The following ACSL1 variants were observed in gnomAD, a reference collection of about 807,000 sequenced individuals.
ACSL1 encodes acyl-CoA synthetase long chain family member 1.
In ACSL1, 41 loss-of-function variants were observed where a neutral mutation model predicts 98.4. The ratio of observed to expected loss-of-function variants is 0.42; its 90% CI spans 0.32 to 0.54. The LOEUF (loss-of-function observed/expected upper bound fraction) is 0.54. Among genes scored for constraint, ACSL1 ranks in the 20% least tolerant of loss-of-function variants. The pLI, the probability that ACSL1 is intolerant of heterozygous loss-of-function variation, is 0.13. For missense variants in ACSL1, 734 were observed against 883.1 expected (o/e 0.83, Z 2.14); for synonymous variants, 316 against 322.7 (o/e 0.98, Z 0.22).
chr4:184,813,429 C>T (rs931720092), intron 1 of ACSL1, among the ~76,000 whole-genome samples: 43 of 152,130 alleles, frequency 2.8e-4, no homozygotes, highest in Admixed American at 2.1e-3. Context: ...CAAAAAGATC[C>T]GCTTTTTAGG....
intron 11 of ACSL1, among the ~76,000 whole-genome samples, chr4:184,769,556 T>C (rs962061089): frequency 9.9e-5 from 15 of 152,208 alleles, no homozygotes; most frequent in African/African-American, 3.4e-4. Context: ...TCATGTGAGA[T>C]TGCTTTATAA....
chr4:184,826,062 G>C (rs552773541), upstream of ACSL1: 2,800 of 141,680 alleles, frequency 0.02, 35 homozygotes, highest in Non-Finnish European at 0.029. Context: ...GGCTGAGCCA[G>C]GATGCTGCTG....
intron 6 of ACSL1, 79 bp from the exon 7 acceptor site, chr4:184,776,741 C>T: frequency 6.6e-7 from 1 of 1,512,250 alleles, no homozygotes; most frequent in Non-Finnish European, 9.0e-7. Context: ...CACAAGGATA[C>T]TTGAAGTACT....
chr4:184,803,459 C>T lies in ACSL1; in HGVS notation c.56G>A (p.Arg19Gln), dbSNP rs761830717. 9 of 1,611,894 alleles carry T rather than the reference C, an allele frequency of 5.6e-6. No individual in the cohort carries two copies. The highest frequency in any genetic ancestry group is 3.4e-5 in the Admixed American group (2 of 59,606). Residue 19 changes from arginine (R) to glutamine (Q), a missense_variant, in exon 2 of 21, where the codon CGA becomes CAA. Coordinates refer to ENST00000281455, the MANE Select transcript of ACSL1 (RefSeq NM_001995.5). This position sits in a 1 kb window ranked among gnomAD's most constrained non-coding sequence, Gnocchi z 4.8. Reference protein sequence around the residue: ...YFRMPELVDFRQYVRTLPTNT... With the variant: ...YFRMPELVDFQQYVRTLPTNT... ...GGTCGGAAGAGTACGCACGTACTGT[C>T]GGAAGTCAACCAGCTCTGGCATTCG...
chr4:184,826,433 G>A (rs1773494564), upstream of ACSL1: 1 of 152,504 alleles, frequency 6.6e-6, no homozygotes, highest in Admixed American at 6.5e-5. Flanking sequence ...TGCTGCGAGG[G>A]CCCTGGAGGC....
chr4:184,807,656 C>T (rs530990625), intron 1 of ACSL1, among the ~76,000 whole-genome samples: 1 of 152,310 alleles, frequency 6.6e-6, no homozygotes, highest in East Asian at 1.9e-4. Flanking sequence ...TGTCAGAAAC[C>T]AAAATCCTGG....
At chr4:184,800,390 C>T (rs947123849) in intron 2 of ACSL1, among the ~76,000 whole-genome samples, 31 of 152,252 alleles carry the variant, frequency 2.0e-4, no homozygotes, top group Admixed American at 5.2e-4. Flanking sequence ...GTCTGGGCTC[C>T]GACCAATCCG....
In ACSL1 at chr4:184,763,240, G is replaced by A. The variant is rs1275283484; in HGVS notation, c.1448C>T (p.Pro483Leu). 7.4e-6 allele frequency: 12 copies of A among 1,613,920 alleles called. No individual in the cohort carries two copies. Among genetic ancestry groups the A allele is most frequent in the South Asian group, 1.1e-5 (1 of 91,040 alleles). Reference protein sequence around the residue: ...GDWTAGHVGAPMPCNLIKLVD... With the variant: ...GDWTAGHVGALMPCNLIKLVD... Reference sequence around the variant, plus strand: ...AAGTTTTATCAAATTGCACGGCATCGGGGCCCCAACATGGCCTGTATATTA... The same window carrying A: ...AAGTTTTATCAAATTGCACGGCATCAGGGCCCCAACATGGCCTGTATATTA... The change falls in exon 16 of 21, where the codon CCG becomes CTG. Residue 483 changes from proline (P) to leucine (L), a missense_variant. Physicochemically the swap from Pro to Leu is moderately conservative, Grantham distance 98 (BLOSUM62 -3). Coordinates refer to ENST00000281455, the MANE Select transcript of ACSL1 (RefSeq NM_001995.5).
chr4:184,803,650 C>G lies in ACSL1; in HGVS notation c.-32-104G>C. The G allele has an allele frequency of 1.5e-6, 1 of 663,304 alleles. No homozygotes were observed. The highest frequency in any genetic ancestry group is 2.2e-6 in the Non-Finnish European group (1 of 448,746). 41.1% of individuals were successfully genotyped at this position (663,304 alleles called of 1,614,324 possible). ...CCATCTAATTGGGTAGCTGCTCGGC[C>G]AGTCCAGGCATTAAACCCACAATCT... On this transcript the variant is annotated intron_variant, in intron 1 of 20. Coordinates refer to ENST00000281455, the MANE Select transcript of ACSL1 (RefSeq NM_001995.5). This position sits in a 1 kb window ranked among gnomAD's most constrained non-coding sequence, Gnocchi z 4.8.
At chr4:184,811,392 G>A (rs911442795) in intron 1 of ACSL1, among the ~76,000 whole-genome samples, 12 of 152,208 alleles carry the variant, frequency 7.9e-5, no homozygotes, top group Non-Finnish European at 1.5e-4. Context: ...GATTACAGGT[G>A]TGAGCCACCG....
rs1026274501 is a variant in ACSL1 at position 184,812,499 on chromosome 4, TCTC to T, written c.-32-8956_-32-8954del. On this transcript the variant is annotated intron_variant, in intron 1 of 20. Coordinates refer to ENST00000281455, the MANE Select transcript of ACSL1 (RefSeq NM_001995.5). ...GCACACCAGAAAGGAGTAGAGAACATCTCCTGGCTGACTGGGGGAAAAAGAAAA... is the reference window on the plus strand; with the variant it reads ...GCACACCAGAAAGGAGTAGAGAACATCTGGCTGACTGGGGGAAAAAGAAAA... Among the ~76,000 whole-genome samples the T allele has an allele frequency of 5.3e-5, 8 of 152,076 alleles. 1 individual carries two copies. The highest frequency in any genetic ancestry group is 4.6e-4 in the Admixed American group (7 of 15,224).
chr4:184,821,084 G>A (rs979215435), intron 1 of ACSL1: 1 of 456,136 alleles, frequency 2.2e-6, no homozygotes, highest in Non-Finnish European at 4.4e-6. Context: ...GTTGCTGAAG[G>A]TACTAATGAG....
chr4:184,787,270 C>T (rs1767547056), intron 3 of ACSL1, among the ~76,000 whole-genome samples: 1 of 152,208 alleles, frequency 6.6e-6, no homozygotes, highest in South Asian at 2.1e-4. Context: ...GGGGCGCTCA[C>T]TGTGTGCCAG....
chr4:184,763,373 T>C (rs1763131162), intron 15 of ACSL1, 118 bp from the exon 16 acceptor site: 1 of 870,710 alleles, frequency 1.1e-6, no homozygotes, highest in Admixed American at 2.7e-5. Flanking sequence ...AAACTTCTGA[T>C]TTCTGCAATT....
intron 3 of ACSL1, 53 bp from the exon 4 acceptor site, chr4:184,784,044 G>T: frequency 6.8e-7 from 1 of 1,466,018 alleles, no homozygotes; most frequent in Non-Finnish European, 9.5e-7. Flanking sequence ...AATATTCCTA[G>T]ATTTTAATTT....
chr4:184,815,313 G>A (rs1367709476), intron 1 of ACSL1, among the ~76,000 whole-genome samples: 1 of 152,110 alleles, frequency 6.6e-6, no homozygotes, highest in Non-Finnish European at 1.5e-5. Context: ...AGGTGGGCTG[G>A]GGACTCGCAG....
chr4:184,811,045 G>T (rs913052537), intron 1 of ACSL1, among the ~76,000 whole-genome samples: 1 of 152,164 alleles, frequency 6.6e-6, no homozygotes, highest in African/African-American at 2.4e-5. Context: ...GTGCGTGGGT[G>T]TTCAAGTCTA....
chr4:184,766,863 C>T lies in ACSL1; in HGVS notation c.1129-107G>A. On this transcript the variant is annotated intron_variant, in intron 12 of 20. Transcript: ENST00000281455. This position sits in a 1 kb window ranked among gnomAD's most constrained non-coding sequence, Gnocchi z 4.8. Reference sequence around the variant, plus strand: ...CACACAGCTGGGGAACACAAAATGGCACAGCTGCTCTGACAGCCTGGCCGG... The same window carrying T: ...CACACAGCTGGGGAACACAAAATGGTACAGCTGCTCTGACAGCCTGGCCGG... The T allele has an allele frequency of 3.1e-6, 4 of 1,289,494 alleles. No individual in the cohort carries two copies. Among genetic ancestry groups the T allele is most frequent in the Non-Finnish European group, 4.2e-6 (4 of 947,492 alleles). The allele number at this position is 1,289,494 out of a possible 1,614,324, so 79.9% of individuals were successfully genotyped here. A position where few individuals can be genotyped will look rare whatever the true frequency, so the allele number is the denominator to read the frequency against.
At chr4:184,768,543 C>T in intron 11 of ACSL1, 93 bp from the exon 12 acceptor site, 1 of 1,499,658 alleles carries the variant, frequency 6.7e-7, no homozygotes, top group Non-Finnish European at 8.9e-7. Context: ...TTTAGCATTT[C>T]AGGCCAGTTT....
Sources: gnomAD v4.1 joint callset for allele counts (sites outside exome capture counted in the v4.1 genomes callset) on GRCh38, gnomAD v4.1.1 for gene constraint, Gnocchi (gnomAD v3.1) non-coding constraint, MANE v1.5 for transcripts, NCBI Gene and HGNC (gene_info 2026-07-23, HGNC 2026-07-21) for gene names.